Variants in ZNF143 observed in about 807,000 individuals in gnomAD.
ZNF143 encodes the protein zinc finger protein 143, also known as SPH-binding factor.
A neutral mutation model predicts 74.1 loss-of-function variants in ZNF143; 49 were observed. That is an observed-to-expected ratio of 0.66 (90% CI 0.53 to 0.84). ZNF143 has a LOEUF of 0.84. Among genes scored for constraint, ZNF143 ranks in the 40% least tolerant of loss-of-function variants. The pLI is 0.00. For missense variants in ZNF143, 637 were observed against 793.4 expected (o/e 0.80, Z 2.37); for synonymous variants, 304 against 282.8 (o/e 1.07, Z -0.75).
At chr11:9,501,925 CTTTTTTTTTT>C (rs57169874) in intron 11 of ZNF143, among the ~76,000 whole-genome samples, 2 of 37,442 alleles carry the variant, frequency 5.3e-5, no homozygotes, top group African/African-American at 1.1e-4. Context: ...TGGATATATT[CTTTTTTTTTT>C]TTTTTTTTTT....
At position 9,494,669 on chromosome 11, in the gene ZNF143, A is replaced by G; in HGVS notation, c.669A>G (p.Thr223=). 4.3e-6 allele frequency: 7 copies of G among 1,613,968 alleles called. No homozygotes were observed. The highest frequency in any genetic ancestry group is 5.9e-6 in the Non-Finnish European group (7 of 1,179,860). The change falls in exon 8 of 16, where the codon ACA becomes ACG. Residue 223 remains threonine, a synonymous_variant. Transcript: ENST00000396602. ...AGATTGTTTTACAAGGACATGCTAC[A>G]AGAGTAACTGCTAAATCTCAACAGA... The part of the protein sequence containing the change: ...KMQIVLQGHA[T]RVTAKSQQSG...
At chr11:9,513,289 T>C (rs1363641785) in intron 13 of ZNF143, among the ~76,000 whole-genome samples, 1 of 152,208 alleles carries the variant, frequency 6.6e-6, no homozygotes, top group African/African-American at 2.4e-5. Context: ...TAATGATTAA[T>C]ATGCTCTGTT....
intron 7 of ZNF143, among the ~76,000 whole-genome samples, chr11:9,482,454 TAC>T (rs1270657872): frequency 1.1e-4 from 17 of 149,804 alleles, no homozygotes; most frequent in Middle Eastern, 3.6e-3. Context: ...GTATTTTTAG[TAC>T]AGATGGGGTT....
chr11:9,461,578 A>G (rs1362173507), intron 1 of ZNF143: 1 of 151,310 alleles, frequency 6.6e-6, no homozygotes, highest in Non-Finnish European at 1.5e-5. Flanking sequence ...TGCCGGTCTC[A>G]CCTAGCGCTT....
At chr11:9,472,436 T>G (rs2133866994) in intron 2 of ZNF143, among the ~76,000 whole-genome samples, 1 of 152,222 alleles carries the variant, frequency 6.6e-6, no homozygotes, top group Admixed American at 6.5e-5. Flanking sequence ...ATATTTTTAG[T>G]AGAGACGGGG....
chr11:9,484,345 C>T lies in ZNF143; in HGVS notation c.645+4799C>T, dbSNP rs552489840. ...AGTAGCTGGTATCACAGGAGCGTGC[C>T]ACCATGCCCGGCTAATTTTTTATAT... On this transcript the variant is annotated intron_variant, in intron 7 of 15. Transcript: ENST00000396602. Among the ~76,000 whole-genome samples, 30 of 151,270 alleles carry T rather than the reference C, an allele frequency of 2.0e-4. 1 individual carries two copies. In the South Asian group the frequency reaches 2.1e-3, roughly 10 times the overall value.
intron 7 of ZNF143, among the ~76,000 whole-genome samples, chr11:9,482,166 T>G (rs1314689808): frequency 6.7e-5 from 10 of 148,452 alleles, no homozygotes; most frequent in African/African-American, 2.5e-4. Context: ...GAGGCAGGGT[T>G]TCACCATGTT....
At chr11:9,506,012 A>AT (rs1378592697) in intron 11 of ZNF143, among the ~76,000 whole-genome samples, 8 of 151,922 alleles carry the variant, frequency 5.3e-5, no homozygotes, top group African/African-American at 1.9e-4. Context: ...GGAAAACATT[A>AT]TTTTTCCCAT....
chr11:9,506,225 A>T (rs975662096), intron 11 of ZNF143, among the ~76,000 whole-genome samples: 1 of 152,102 alleles, frequency 6.6e-6, no homozygotes. Context: ...CCAGCTACTC[A>T]GGAGGCTGAG....
intron 5 of ZNF143, 103 bp from the exon 6 acceptor site, chr11:9,478,287 A>G (rs1847097448): frequency 8.2e-7 from 1 of 1,212,946 alleles, no homozygotes; most frequent in African/African-American, 1.5e-5. Flanking sequence ...TCCAGTACTC[A>G]GAGTAACTAC....
At chr11:9,491,933 A>AT (rs1459523357) in intron 7 of ZNF143, among the ~76,000 whole-genome samples, 1 of 151,958 alleles carries the variant, frequency 6.6e-6, no homozygotes, top group Non-Finnish European at 1.5e-5. Flanking sequence ...CCCAGCCTAC[A>AT]TACTATTTAT....
At chr11:9,487,583 T>G (rs112588223) in intron 7 of ZNF143, among the ~76,000 whole-genome samples, 2,290 of 151,334 alleles carry the variant, frequency 0.015, 54 homozygotes, top group African/African-American at 0.052. Context: ...GGTCTCGATC[T>G]CCTGACCTCA....
intron 7 of ZNF143, among the ~76,000 whole-genome samples, chr11:9,489,557 G>A (rs1009132221): frequency 1.3e-5 from 2 of 152,012 alleles, no homozygotes; most frequent in African/African-American, 4.8e-5. Context: ...CAAATTCCTG[G>A]TATATGTTTC....
At chr11:9,490,213 T>C (rs915124292) in intron 7 of ZNF143, among the ~76,000 whole-genome samples, 1 of 148,992 alleles carries the variant, frequency 6.7e-6, no homozygotes, top group Non-Finnish European at 1.5e-5. Flanking sequence ...AAATACTGAA[T>C]GGAAGTAGAC....
intron 15 of ZNF143, among the ~76,000 whole-genome samples, chr11:9,526,221 G>C (rs1355518866): frequency 6.6e-6 from 1 of 151,962 alleles, no homozygotes; most frequent in Non-Finnish European, 1.5e-5. Context: ...AGGTGTGGTG[G>C]TGTGCACCTG....
chr11:9,493,163 A>G (rs936990336), intron 7 of ZNF143, among the ~76,000 whole-genome samples: 1 of 147,270 alleles, frequency 6.8e-6, no homozygotes, highest in African/African-American at 2.5e-5. Flanking sequence ...TCCGCCTCCC[A>G]GGTTCAAGCG....
intron 13 of ZNF143, among the ~76,000 whole-genome samples, 195 bp downstream of exon 13, chr11:9,512,791 A>C (rs994026395): frequency 2.0e-5 from 3 of 152,216 alleles, no homozygotes; most frequent in Non-Finnish European, 4.4e-5. Context: ...TGACTGTAGA[A>C]TCCGAATGGT....
chr11:9,523,728 C>T (rs912818842), intron 14 of ZNF143, among the ~76,000 whole-genome samples: 3 of 148,240 alleles, frequency 2.0e-5, no homozygotes, highest in Non-Finnish European at 4.4e-5. Context: ...AGTGAGACTC[C>T]GTCTCAAAAA....
intron 6 of ZNF143, among the ~76,000 whole-genome samples, chr11:9,479,125 A>C (rs2133920197): frequency 6.6e-6 from 1 of 152,098 alleles, no homozygotes; most frequent in East Asian, 1.9e-4. Flanking sequence ...ATAACTTAAA[A>C]GGTTTTATTT....
Sources: gnomAD v4.1 joint callset for allele counts (sites outside exome capture counted in the v4.1 genomes callset) on GRCh38, gnomAD v4.1.1 for gene constraint, MANE v1.5 for transcripts, NCBI Gene and HGNC (gene_info 2026-07-23, HGNC 2026-07-21) for gene names.